The following SENP1 variants were observed in gnomAD, a reference collection of about 807,000 sequenced individuals.
SENP1 encodes the protein sentrin-specific protease 1.
A neutral mutation model predicts 93.0 loss-of-function variants in SENP1; 21 were observed. That is an observed-to-expected ratio of 0.23 (90% CI 0.16 to 0.33). The LOEUF (loss-of-function observed/expected upper bound fraction) is 0.33, where lower values mean the gene tolerates loss of function less well. SENP1 is among the 10% of genes least tolerant of loss of function. The pLI is 1.00. For synonymous variants in SENP1, 256 were observed against 259.6 expected (o/e 0.99, Z 0.13); for missense variants, 591 against 758.7 (o/e 0.78, Z 2.60).
At chr12:48,078,334 T>TATATATATATATATATATATATATATAC in intron 6 of SENP1, among the ~76,000 whole-genome samples, 1,318 of 67,182 alleles carry the variant, frequency 0.02, 29 homozygotes, top group African/African-American at 0.037. Flanking sequence ...TATATATATA[T>TATATATATATATATATATATATATATAC]ACACACACAT....
Position 48,043,484 on chromosome 12 carries a change from C to A in SENP1, c.*1838G>T, listed in dbSNP as rs952099088. The A allele has an allele frequency of 6.6e-6, 1 of 152,564 alleles. No homozygotes were observed. The highest frequency in any genetic ancestry group is 1.5e-5 in the Non-Finnish European group (1 of 68,020). The allele number at this position is 152,564 out of a possible 1,614,324, so 9.5% of individuals were successfully genotyped here. On this transcript the variant is annotated 3_prime_UTR_variant, in exon 18 of 18. Coordinates refer to ENST00000549518, the MANE Select transcript of SENP1 (RefSeq NM_001267594.2). Reference sequence around the variant, plus strand: ...CTTACATACAGTAAATACCAAGAACCAGACAATATTCCAGGAGTCCTGCAA... The same window carrying A: ...CTTACATACAGTAAATACCAAGAACAAGACAATATTCCAGGAGTCCTGCAA...
chr12:48,063,981 C>CCTG, intron 12 of SENP1, 140 bp from the exon 13 acceptor site: 1 of 857,748 alleles, frequency 1.2e-6, no homozygotes, highest in Non-Finnish European at 1.7e-6. Context: ...CAGTTTACTT[C>CCTG]TAACATTTTG....
chr12:48,066,675 C>T (rs973640379), intron 10 of SENP1, among the ~76,000 whole-genome samples: 1 of 152,082 alleles, frequency 6.6e-6, no homozygotes. Flanking sequence ...CCATGCCCAG[C>T]CAATTTTTGT....
chr12:48,053,291 T>C (rs763258181), intron 13 of SENP1, among the ~76,000 whole-genome samples: 2 of 151,982 alleles, frequency 1.3e-5, no homozygotes, highest in East Asian at 1.9e-4. Context: ...CTGGGCAATA[T>C]AGTGAGACTT....
intron 13 of SENP1, among the ~76,000 whole-genome samples, chr12:48,054,418 A>C (rs998373154): frequency 9.8e-5 from 15 of 152,310 alleles, no homozygotes; most frequent in Admixed American, 9.2e-4. Context: ...AATGTTAATA[A>C]GTCACTTTTT....
chr12:48,050,030 G>A (rs138471459), intron 13 of SENP1, among the ~76,000 whole-genome samples: 91 of 152,300 alleles, frequency 6.0e-4, no homozygotes, highest in Admixed American at 5.0e-3. Context: ...ACTATGTTGT[G>A]TATGGTTCCA....
At chr12:48,090,564 A>G (rs749271747) in intron 4 of SENP1, among the ~76,000 whole-genome samples, 1 of 152,198 alleles carries the variant, frequency 6.6e-6, no homozygotes, top group Non-Finnish European at 1.5e-5. Flanking sequence ...AAACAAAGCT[A>G]GAGACAGACC....
At chr12:48,085,135 T>C (rs575653233) in intron 5 of SENP1, 17 of 1,412,104 alleles carry the variant, frequency 1.2e-5, no homozygotes, top group South Asian at 5.8e-5. Flanking sequence ...CTGGGCAGCA[T>C]AGGGGAGCTT....
intron 13 of SENP1, among the ~76,000 whole-genome samples, chr12:48,062,121 C>T (rs1029549864): frequency 2.0e-5 from 3 of 152,124 alleles, no homozygotes; most frequent in Non-Finnish European, 4.4e-5. Context: ...GTAAATGCCA[C>T]AGTAAATAGC....
At chr12:48,092,805 C>T (rs1051315982) in intron 4 of SENP1, among the ~76,000 whole-genome samples, 3 of 152,076 alleles carry the variant, frequency 2.0e-5, no homozygotes, top group Non-Finnish European at 4.4e-5. Context: ...TCAACAATTA[C>T]GTAACTGAGT....
Position 48,096,379 on chromosome 12 carries a change from T to C in SENP1, c.184A>G (p.Thr62Ala). The C allele has an allele frequency of 1.2e-6, 2 of 1,610,634 alleles. No individual in the cohort carries two copies. The highest frequency in any genetic ancestry group is 1.1e-5 in the South Asian group (1 of 90,840). ...GHLDRSFTCSTRSAAYNPSYY... is the reference protein window; with the variant it reads ...GHLDRSFTCSARSAAYNPSYY... ...CTTGGATTATAAGCTGCACTTCTTG[T>C]GGAACATGTAAAAGATCGGTCCAAA... Residue 62 changes from threonine to alanine, a missense_variant, in exon 4 of 18, where the codon ACA becomes GCA. This residue lies in a region of SENP1 where 214 missense variants were observed against 243.4 expected (regional missense o/e 0.88). Coordinates refer to ENST00000549518, the MANE Select transcript of SENP1 (RefSeq NM_001267594.2).
chr12:48,078,451 T>C (rs1944292790), intron 6 of SENP1, among the ~76,000 whole-genome samples: 1 of 151,180 alleles, frequency 6.6e-6, no homozygotes, highest in African/African-American at 2.4e-5. Context: ...TTTAATAGTT[T>C]GAACAGTTCT....
intron 13 of SENP1, among the ~76,000 whole-genome samples, chr12:48,061,219 T>A (rs2136929903): frequency 6.6e-6 from 1 of 152,308 alleles, no homozygotes; most frequent in Non-Finnish European, 1.5e-5. Context: ...ACTTTGTTTA[T>A]AAAATGATAA....
chr12:48,096,264 G>T, intron 4 of SENP1, 79 bp downstream of exon 4: 1 of 729,980 alleles, frequency 1.4e-6, no homozygotes, highest in Non-Finnish European at 2.3e-6. Flanking sequence ...TTTACTTTTG[G>T]AGATGATAAA....
chr12:48,049,083 C>T lies in SENP1; in HGVS notation c.1457G>A (p.Gly486Asp), dbSNP rs762759719. ...NMLMERSKEK[G>D]LPSVHAFNTF... Reference sequence around the variant, plus strand: ...ATTAAATGCATGCACACTTGGCAAGCCCTTCTCTTTACTTCGCTCCATCAG... The same window carrying T: ...ATTAAATGCATGCACACTTGGCAAGTCCTTCTCTTTACTTCGCTCCATCAG... Residue 486 changes from glycine (G) to aspartate (D), a missense_variant, in exon 14 of 18, where the codon GGC (glycine) becomes GAC (aspartate). Gly to Asp is a moderately conservative substitution (Grantham distance 94). Transcript: ENST00000549518. 1 of 1,613,706 alleles carries T rather than the reference C, an allele frequency of 6.2e-7. No individual in the cohort carries two copies. The highest frequency in any genetic ancestry group is 8.5e-7 in the Non-Finnish European group (1 of 1,179,684).
At chr12:48,083,803 A>C (rs1565789958) in intron 5 of SENP1, 41 bp from the exon 6 acceptor site, 2 of 1,420,072 alleles carry the variant, frequency 1.4e-6, no homozygotes, top group Non-Finnish European at 1.9e-6. Flanking sequence ...ACAGATAATA[A>C]GTAAAATAAA....
rs1946465013 is a variant in SENP1, at chr12:48,105,523, A to G, written c.-45+505T>C. ...TAGCGATATCACATCTCAGGGAGAT[A>G]CCACAGAGTAGGAGAGTTGGAGAAA... On this transcript the variant is annotated intron_variant, in intron 1 of 17. Transcript: ENST00000549518. 1.7e-5 allele frequency: 9 copies of G among 518,600 alleles called. No homozygotes were observed. The Admixed American group carries it at 1.7e-4, about 10-fold the overall frequency. The allele number at this position is 518,600 out of a possible 1,614,324, so 32.1% of individuals were successfully genotyped here. A position where few individuals can be genotyped will look rare whatever the true frequency, so the allele number is the denominator to read the frequency against.
At chr12:48,085,912 T>C (rs777144723) in intron 5 of SENP1, among the ~76,000 whole-genome samples, 3 of 152,136 alleles carry the variant, frequency 2.0e-5, no homozygotes, top group Admixed American at 6.5e-5. Flanking sequence ...CGTGCGCCTA[T>C]GCATGTTTTT....
intron 4 of SENP1, among the ~76,000 whole-genome samples, chr12:48,092,534 T>C (rs930593323): frequency 6.6e-6 from 1 of 152,214 alleles, no homozygotes; most frequent in African/African-American, 2.4e-5. Context: ...ATAAGCTTGT[T>C]TGATCAGGGA....
Sources: gnomAD v4.1 joint callset for allele counts (sites outside exome capture counted in the v4.1 genomes callset) on GRCh38, gnomAD v4.1.1 for gene constraint, gnomAD v4.1.1 regional missense constraint, MANE v1.5 for transcripts, NCBI Gene and HGNC (gene_info 2026-07-23, HGNC 2026-07-21) for gene names.